GOLPH3: variants seen among roughly 807,000 people sequenced by gnomAD.
The protein encoded by GOLPH3 is golgi phosphoprotein 3.
In GOLPH3, 14 loss-of-function variants were observed where a neutral mutation model predicts 28.5. The ratio of observed to expected loss-of-function variants is 0.49; its 90% CI spans 0.32 to 0.77. The LOEUF is 0.77. GOLPH3 is among the 30% of genes least tolerant of loss of function. GOLPH3 has a pLI of 0.03. For missense variants in GOLPH3, 350 were observed against 393.7 expected, an observed-to-expected ratio of 0.89 and a Z score of 0.94; for synonymous variants, 158 against 159.2, an observed-to-expected ratio of 0.99 and a Z score of 0.06.
At chr5:32,163,399 G>A (rs323837) in intron 1 of GOLPH3, among the ~76,000 whole-genome samples, 42,929 of 151,938 alleles carry the variant, frequency 0.28, 6,522 homozygotes, top group South Asian at 0.42. Context: ...TTTGTGGCCG[G>A]GGGCACAGCG....
At chr5:32,161,658 A>C (rs953920247) in intron 1 of GOLPH3, among the ~76,000 whole-genome samples, 4 of 151,316 alleles carry the variant, frequency 2.6e-5, no homozygotes, top group Non-Finnish European at 5.9e-5. Context: ...TCTGGAGGCT[A>C]AGCAGTATCT....
At chr5:32,127,445 CAAACG>C (rs1381115952) in intron 3 of GOLPH3, among the ~76,000 whole-genome samples, 4 of 152,126 alleles carry the variant, frequency 2.6e-5, no homozygotes, top group Admixed American at 2.6e-4. Flanking sequence ...TTTTTAAATG[CAAACG>C]TTGTAAGGTC....
At chr5:32,140,128 A>G (rs1746023671) in intron 2 of GOLPH3, among the ~76,000 whole-genome samples, 1 of 152,160 alleles carries the variant, frequency 6.6e-6, no homozygotes, top group South Asian at 2.1e-4. Flanking sequence ...ACATTAAGGC[A>G]TATCGTACAA....
chr5:32,137,880 T>C (rs1017168431), intron 2 of GOLPH3, among the ~76,000 whole-genome samples: 2 of 149,484 alleles, frequency 1.3e-5, no homozygotes, highest in African/African-American at 4.9e-5. Flanking sequence ...TATTTAAATG[T>C]CATAAAATTT....
chr5:32,150,511 T>C (rs952721438), intron 1 of GOLPH3, among the ~76,000 whole-genome samples: 2 of 148,622 alleles, frequency 1.3e-5, no homozygotes, highest in Admixed American at 1.4e-4. Context: ...GATACTAAAA[T>C]AGATTTAAAA....
chr5:32,169,064 A>AG lies in GOLPH3; in HGVS notation c.225+4745dup, dbSNP rs1416803833. ...TGAAGCGGGAGGATCACTTGATCCC[A>AG]GGAGTTCAAGACCAGCCTGAGCCAT... On this transcript the variant is annotated intron_variant, in intron 1 of 3. Transcript: ENST00000265070. Among the ~76,000 whole-genome samples, 9 of 152,276 alleles carry AG rather than the reference A, an allele frequency of 5.9e-5. No homozygotes were observed. The East Asian group carries it at 1.7e-3, about 29-fold the overall frequency.
intron 1 of GOLPH3, among the ~76,000 whole-genome samples, chr5:32,152,763 G>C (rs1470801360): frequency 1.3e-5 from 2 of 149,944 alleles, no homozygotes; most frequent in Non-Finnish European, 1.5e-5. Flanking sequence ...ACCTGGGCAA[G>C]AGAGTGAGAC....
chr5:32,160,526 A>T (rs376060339), intron 1 of GOLPH3, among the ~76,000 whole-genome samples: 8 of 152,264 alleles, frequency 5.3e-5, no homozygotes, highest in Admixed American at 4.6e-4. Flanking sequence ...TGTGATTATC[A>T]TAATACTGAT....
chr5:32,140,538 A>G (rs1746033623), intron 2 of GOLPH3, among the ~76,000 whole-genome samples: 1 of 151,892 alleles, frequency 6.6e-6, no homozygotes, highest in African/African-American at 2.4e-5. Flanking sequence ...GCATGCCTGT[A>G]GTCCCAGCTA....
intron 1 of GOLPH3, among the ~76,000 whole-genome samples, chr5:32,172,307 G>A (rs991567230): frequency 6.6e-6 from 1 of 151,158 alleles, no homozygotes; most frequent in Non-Finnish European, 1.5e-5. Context: ...TATAAAACTC[G>A]CCTATATCTA....
Position 32,124,981 on chromosome 5 carries a change from TAAAG to T in GOLPH3, c.*1227_*1230del, listed in dbSNP as rs1287121652. 3.3e-5 allele frequency: 5 copies of T among 152,612 alleles called. No individual in the cohort carries two copies. Among genetic ancestry groups the T allele is most frequent in the Admixed American group, 6.5e-5 (1 of 15,268 alleles). 9.5% of individuals were successfully genotyped at this position (152,612 alleles called of 1,614,324 possible). A position where few individuals can be genotyped will look rare whatever the true frequency, so the allele number is the denominator to read the frequency against. ...CAATGGTGATGATACAATAAAGTGATAAAGAAATAGTAAAAATAAACTTTAAAAA... is the reference window on the plus strand; with the variant it reads ...CAATGGTGATGATACAATAAAGTGATAAATAGTAAAAATAAACTTTAAAAA... On this transcript the variant is annotated 3_prime_UTR_variant, in exon 4 of 4. Coordinates refer to ENST00000265070, the MANE Select transcript of GOLPH3 (RefSeq NM_022130.4).
chr5:32,169,236 C>T (rs142559962), intron 1 of GOLPH3, among the ~76,000 whole-genome samples: 2,771 of 152,188 alleles, frequency 0.018, 48 homozygotes, highest in Middle Eastern at 0.024. Flanking sequence ...GAGCCAAGAT[C>T]GCACCACTGC....
chr5:32,131,220 G>A (rs1745818529), intron 3 of GOLPH3, among the ~76,000 whole-genome samples: 1 of 152,164 alleles, frequency 6.6e-6, no homozygotes, highest in East Asian at 1.9e-4. Flanking sequence ...AAAACTGTGA[G>A]GAAATATCCC....
rs371590080 is a variant in GOLPH3 at position 32,158,091 on chromosome 5, AAAATAAAT to A, written c.226-14219_226-14212del. Among the ~76,000 whole-genome samples, 123 of 43,226 alleles carry A rather than the reference AAAATAAAT, an allele frequency of 2.8e-3. 1 individual carries two copies. Among genetic ancestry groups the A allele is most frequent in the East Asian group, 0.015 (26 of 1,696 alleles). The allele number at this position is 43,226 out of a possible 152,430, so 28.4% of individuals were successfully genotyped here. A position where few individuals can be genotyped will look rare whatever the true frequency, so the allele number is the denominator to read the frequency against. ...CAAAATCAGCTTTAAACTCTGTCTCAAAATAAATAAATAAATAAATAAATAAATAAATA... is the reference window on the plus strand; with the variant it reads ...CAAAATCAGCTTTAAACTCTGTCTCAAAATAAATAAATAAATAAATAAATA... On this transcript the variant is annotated intron_variant, in intron 1 of 3. Transcript: ENST00000265070.
chr5:32,161,707 TAAGG>T (rs1746581163), intron 1 of GOLPH3, among the ~76,000 whole-genome samples: 1 of 151,364 alleles, frequency 6.6e-6, no homozygotes, highest in Admixed American at 6.6e-5. Context: ...AAGGATTCTT[TAAGG>T]AAGACTCTGG....
Position 32,174,121 on chromosome 5 carries a change from G to T in GOLPH3, c.-87C>A. The T allele has an allele frequency of 3.1e-6, 3 of 956,424 alleles. No individual in the cohort carries two copies. Among genetic ancestry groups the T allele is most frequent in the Non-Finnish European group, 4.1e-6 (3 of 738,502 alleles). 59.2% of individuals were successfully genotyped at this position (956,424 alleles called of 1,614,324 possible). A position where few individuals can be genotyped will look rare whatever the true frequency, so the allele number is the denominator to read the frequency against. On this transcript the variant is annotated 5_prime_UTR_variant, in exon 1 of 4. Coordinates refer to ENST00000265070, the MANE Select transcript of GOLPH3 (RefSeq NM_022130.4). ...TCCTCCCCGCGCGGCCTCCGATCCG[G>T]GTTTCCGTGTTAAATCCGGACGCCG...
At position 32,126,711 on chromosome 5, in the gene GOLPH3, C is replaced by T. The variant is rs979036474; in HGVS notation, c.473-75G>A. On this transcript the variant is annotated intron_variant, in intron 3 of 3. Coordinates refer to ENST00000265070, the MANE Select transcript of GOLPH3 (RefSeq NM_022130.4). ...TTTGCAAAAATTTTGTACTATTAAA[C>T]AGTAAAATCTGATTTTGCCCCAAGA... 2.2e-5 allele frequency: 25 copies of T among 1,144,312 alleles called. No individual in the cohort carries two copies. In the African/African-American group the frequency reaches 3.3e-4, roughly 15 times the overall value. 70.9% of individuals were successfully genotyped at this position (1,144,312 alleles called of 1,614,324 possible). A position where few individuals can be genotyped will look rare whatever the true frequency, so the allele number is the denominator to read the frequency against.
At chr5:32,134,519 AT>A (rs1745891491) in intron 3 of GOLPH3, among the ~76,000 whole-genome samples, 4 of 145,710 alleles carry the variant, frequency 2.7e-5, no homozygotes, top group South Asian at 2.2e-4. Context: ...AAAAAATAAA[AT>A]AAAAAAAAAA....
intron 1 of GOLPH3, among the ~76,000 whole-genome samples, chr5:32,162,586 C>T (rs1288188811): frequency 6.6e-6 from 1 of 152,150 alleles, no homozygotes; most frequent in Non-Finnish European, 1.5e-5. Flanking sequence ...ATATAAAGTG[C>T]AAGAGAATCA....
Sources: gnomAD v4.1 joint callset for allele counts (sites outside exome capture counted in the v4.1 genomes callset) on GRCh38, gnomAD v4.1.1 for gene constraint, MANE v1.5 for transcripts, NCBI Gene and HGNC (gene_info 2026-07-23, HGNC 2026-07-21) for gene names.